The following LNX2 variants were observed in gnomAD, a reference collection of about 807,000 sequenced individuals.
LNX2 encodes ligand of numb-protein X 2, also known as ligand of Numb protein X 2.
Under a neutral mutation model 66.2 loss-of-function variants are expected in LNX2, and 35 were observed. The observed-to-expected ratio is 0.53, with a 90% CI of 0.40 to 0.70. The LOEUF is 0.70. LNX2 is among the 30% of genes least tolerant of loss of function. LNX2 has a pLI of 0.00. For missense variants in LNX2, 791 were observed against 850.8 expected (o/e 0.93, Z 0.87); for synonymous variants, 337 against 315.6 (o/e 1.07, Z -0.72).
chr13:27,572,628 C>G (rs1955295788), intron 2 of LNX2, among the ~76,000 whole-genome samples: 1 of 152,200 alleles, frequency 6.6e-6, no homozygotes, highest in Non-Finnish European at 1.5e-5. Flanking sequence ...ACTATTCTGG[C>G]TCTCCTCCTA....
intron 2 of LNX2, among the ~76,000 whole-genome samples, chr13:27,571,634 T>G (rs1355836894): frequency 1.3e-5 from 2 of 152,142 alleles, no homozygotes; most frequent in Admixed American, 6.5e-5. Flanking sequence ...TAAAGTGAAT[T>G]TATTTAAAGT....
At chr13:27,567,601 C>T (rs777027764) in intron 4 of LNX2, 39 bp downstream of exon 4, 11 of 1,574,402 alleles carry the variant, frequency 7.0e-6, no homozygotes, top group Non-Finnish European at 9.6e-6. Context: ...AAGAATGGAA[C>T]AAAAAGGCAC....
intron 4 of LNX2, among the ~76,000 whole-genome samples, chr13:27,563,311 G>A (rs1171651927): frequency 6.6e-6 from 1 of 152,134 alleles, no homozygotes; most frequent in African/African-American, 2.4e-5. Flanking sequence ...CACATTTCAG[G>A]TATACAAACT....
rs1593236056 is a variant in LNX2 at position 27,550,311 on chromosome 13, C to G, written c.1937+22G>C. ...CCAATGTCATCAACATGAATCACAT[C>G]ATTAATTAGAACAAGACTCACTTTA... On this transcript the variant is annotated intron_variant, in intron 9 of 9. Transcript: ENST00000316334. 2.5e-6 allele frequency: 4 copies of G among 1,602,954 alleles called. No individual in the cohort carries two copies. The East Asian group carries it at 8.9e-5, about 36-fold the overall frequency.
intron 5 of LNX2, among the ~76,000 whole-genome samples, chr13:27,560,189 C>A (rs1955114162): frequency 6.6e-6 from 1 of 152,126 alleles, no homozygotes; most frequent in African/African-American, 2.4e-5. Context: ...AGCACATACA[C>A]ACAAAAATCT....
At chr13:27,552,909 G>A (rs1046159967) in intron 8 of LNX2, among the ~76,000 whole-genome samples, 2 of 152,180 alleles carry the variant, frequency 1.3e-5, no homozygotes, top group South Asian at 2.1e-4. Context: ...AGCACATAGC[G>A]GAATGAGTGC....
chr13:27,583,200 G>A lies in LNX2; in HGVS notation c.-100-1397C>T, dbSNP rs1235375255. On this transcript the variant is annotated intron_variant, in intron 1 of 9. Transcript: ENST00000316334. ...TGTGTGTGTGTGTGTGTGTGTGTGT[G>A]TGTGTGTGTGTGTGTGTGTGTGTGT... Among the ~76,000 whole-genome samples, 80 of 13,400 alleles carry A rather than the reference G, an allele frequency of 6.0e-3. 10 individuals are homozygous for A. The highest frequency in any genetic ancestry group is 0.023 in the Admixed American group (31 of 1,352). 8.8% of individuals were successfully genotyped at this position (13,400 alleles called of 152,430 possible). A position where few individuals can be genotyped will look rare whatever the true frequency, so the allele number is the denominator to read the frequency against.
At chr13:27,610,669 T>C (rs969576795) in intron 1 of LNX2, among the ~76,000 whole-genome samples, 2 of 152,154 alleles carry the variant, frequency 1.3e-5, no homozygotes, top group Non-Finnish European at 2.9e-5. Flanking sequence ...TAAAAACTTT[T>C]GCACATCAAA....
intron 4 of LNX2, 118 bp from the exon 5 acceptor site, chr13:27,562,899 G>A (rs1955155268): frequency 5.1e-6 from 5 of 978,156 alleles, no homozygotes; most frequent in Non-Finnish European, 7.6e-6. Flanking sequence ...AGTATGGTGA[G>A]AATGCTATAC....
chr13:27,583,587 A>G (rs929411375), intron 1 of LNX2, among the ~76,000 whole-genome samples: 1 of 152,100 alleles, frequency 6.6e-6, no homozygotes, highest in African/African-American at 2.4e-5. Context: ...AGCCTCCTCC[A>G]GGGTAGCGCG....
intron 1 of LNX2, among the ~76,000 whole-genome samples, chr13:27,598,305 T>C (rs1385240123): frequency 6.6e-6 from 1 of 151,170 alleles, no homozygotes; most frequent in Non-Finnish European, 1.5e-5. Flanking sequence ...TAGAAAAAGG[T>C]TGAGATGTAG....
chr13:27,590,569 G>A (rs1404381738), intron 1 of LNX2, among the ~76,000 whole-genome samples: 2 of 152,054 alleles, frequency 1.3e-5, no homozygotes, highest in African/African-American at 4.8e-5. Context: ...AATGTTAGCA[G>A]CATAGATGGC....
Position 27,559,774 on chromosome 13 carries a change from A to T in LNX2, c.1368+68T>A, listed in dbSNP as rs369609397. 1.8e-5 allele frequency: 25 copies of T among 1,408,718 alleles called. No individual in the cohort carries two copies. The African/African-American group carries it at 2.8e-4, about 16-fold the overall frequency. 87.3% of individuals were successfully genotyped at this position (1,408,718 alleles called of 1,614,324 possible). A position where few individuals can be genotyped will look rare whatever the true frequency, so the allele number is the denominator to read the frequency against. On this transcript the variant is annotated intron_variant, in intron 6 of 9. Transcript: ENST00000316334. The stretch of plus-strand genomic sequence containing the variant: ...GTGACTGACACACAAAAAAACCTTC[A>T]TTTAAATCTTACCAGCTTGTAACAA...
At chr13:27,604,110 C>T (rs1045672649) in intron 1 of LNX2, among the ~76,000 whole-genome samples, 8 of 152,214 alleles carry the variant, frequency 5.3e-5, no homozygotes, top group South Asian at 2.1e-4. Context: ...AAAAACTAAC[C>T]GGGCGTGGTG....
At chr13:27,567,555 T>C (rs776188390) in intron 4 of LNX2, 85 bp downstream of exon 4, 5 of 1,098,862 alleles carry the variant, frequency 4.6e-6, no homozygotes, top group Non-Finnish European at 6.8e-6. Context: ...ATAATTTAGG[T>C]TCCAAAACAG....
intron 1 of LNX2, among the ~76,000 whole-genome samples, chr13:27,602,860 T>C (rs898808149): frequency 6.6e-6 from 1 of 151,566 alleles, no homozygotes; most frequent in African/African-American, 2.4e-5. Context: ...ATTTTAGCCA[T>C]TGTGTTATGT....
intron 1 of LNX2, among the ~76,000 whole-genome samples, chr13:27,599,672 T>C (rs1319656967): frequency 6.6e-6 from 1 of 152,196 alleles, no homozygotes; most frequent in South Asian, 2.1e-4. Context: ...AGGTATCTTG[T>C]AGGAATAGAA....
chr13:27,616,149 T>C (rs1271125847), intron 1 of LNX2, among the ~76,000 whole-genome samples: 2 of 49,082 alleles, frequency 4.1e-5, no homozygotes, highest in African/African-American at 1.7e-4. Context: ...TCCAGAAAGG[T>C]GGGACAATTG....
chr13:27,565,793 T>G (rs1955198629), intron 4 of LNX2, among the ~76,000 whole-genome samples: 1 of 152,136 alleles, frequency 6.6e-6, no homozygotes. Context: ...TTAATTATTT[T>G]CAGGAATAAT....
Sources: gnomAD v4.1 joint callset for allele counts (sites outside exome capture counted in the v4.1 genomes callset) on GRCh38, gnomAD v4.1.1 for gene constraint, MANE v1.5 for transcripts, NCBI Gene and HGNC (gene_info 2026-07-23, HGNC 2026-07-21) for gene names.